Variants in WDFY3 observed in about 807,000 individuals in gnomAD.
The protein encoded by WDFY3 is WD repeat and FYVE domain containing 3, also known as WD repeat and FYVE domain-containing protein 3.
A neutral mutation model predicts 409.6 loss-of-function variants in WDFY3; 66 were observed. The observed-to-expected ratio is 0.16, with a 90% CI of 0.13 to 0.20. The LOEUF (loss-of-function observed/expected upper bound fraction) is 0.20. WDFY3 is among the 10% of genes least tolerant of loss of function. WDFY3 has a pLI of 1.00. For synonymous variants in WDFY3, 1,521 were observed against 1,537.1 expected, an observed-to-expected ratio of 0.99 and a Z score of 0.25; for missense variants, 3,031 against 4,298.1, an observed-to-expected ratio of 0.71 and a Z score of 8.24.
intron 6 of WDFY3, among the ~76,000 whole-genome samples, chr4:84,839,312 T>C (rs1314559754): frequency 1.3e-5 from 2 of 152,126 alleles, no homozygotes; most frequent in East Asian, 1.9e-4. Flanking sequence ...AATTTTGGTA[T>C]AGTAACATAC....
intron 30 of WDFY3, among the ~76,000 whole-genome samples, chr4:84,767,766 G>A (rs1401124213): frequency 6.6e-6 from 1 of 152,106 alleles, no homozygotes; most frequent in African/African-American, 2.4e-5. Flanking sequence ...CTCTATGAAG[G>A]CTGAGAGAGC....
chr4:84,781,878 A>G (rs1165117249), intron 25 of WDFY3, among the ~76,000 whole-genome samples: 2 of 152,190 alleles, frequency 1.3e-5, no homozygotes, highest in South Asian at 2.1e-4. Flanking sequence ...AAAGAAAAAC[A>G]AACATTTATG....
At chr4:84,872,078 A>G (rs1257571802) in intron 3 of WDFY3, among the ~76,000 whole-genome samples, 1 of 152,196 alleles carries the variant, frequency 6.6e-6, no homozygotes, top group East Asian at 1.9e-4. Context: ...ATGCTATTGC[A>G]AGAAACCTGC....
At chr4:84,739,951 G>C (rs969809371) in intron 39 of WDFY3, among the ~76,000 whole-genome samples, 6 of 151,840 alleles carry the variant, frequency 4.0e-5, no homozygotes, top group Non-Finnish European at 7.4e-5. Context: ...CCTTATATAA[G>C]TGACATATGG....
intron 8 of WDFY3, among the ~76,000 whole-genome samples, chr4:84,830,478 G>T (rs1343050777): frequency 6.6e-6 from 1 of 152,202 alleles, no homozygotes; most frequent in East Asian, 1.9e-4. Context: ...GGTAGGTTAA[G>T]TGTATTAAAT....
At chr4:84,910,936 T>C (rs1326886120) in intron 2 of WDFY3, among the ~76,000 whole-genome samples, 1 of 151,578 alleles carries the variant, frequency 6.6e-6, no homozygotes, top group African/African-American at 2.4e-5. Flanking sequence ...GCCAGACTGG[T>C]CTCAAACTCC....
At chr4:84,886,040 G>A (rs1764175149) in intron 3 of WDFY3, among the ~76,000 whole-genome samples, 1 of 152,052 alleles carries the variant, frequency 6.6e-6, no homozygotes, top group Non-Finnish European at 1.5e-5. Context: ...TAGAAACATA[G>A]TGATGGGTAA....
intron 3 of WDFY3, among the ~76,000 whole-genome samples, chr4:84,867,941 C>A (rs1486989714): frequency 1.3e-5 from 2 of 151,842 alleles, no homozygotes; most frequent in Non-Finnish European, 2.9e-5. Context: ...GAGGTCAAGG[C>A]GGGCAGATCA....
chr4:84,682,364 T>C lies in WDFY3; in HGVS notation c.9823+10A>G. ...AACGATTTGAGTCATTTTTAGAAAG[T>C]ATTAAATACCTATTTGTGCTTCTGG... On this transcript the variant is annotated intron_variant, in intron 64 of 67. Transcript: ENST00000295888. 1 of 1,609,162 alleles carries C rather than the reference T, an allele frequency of 6.2e-7. No individual in the cohort carries two copies. Among genetic ancestry groups the C allele is most frequent in the Middle Eastern group, 1.7e-4 (1 of 5,788 alleles).
intron 2 of WDFY3, 24 bp downstream of exon 2, chr4:84,932,245 AC>A (rs1404584334): frequency 6.6e-6 from 1 of 152,150 alleles, no homozygotes; most frequent in East Asian, 1.9e-4. Flanking sequence ...TCCTTTTTCA[AC>A]AAAAAAAAAA....
chr4:84,915,223 T>G (rs1409393535), intron 2 of WDFY3, among the ~76,000 whole-genome samples: 2 of 152,148 alleles, frequency 1.3e-5, no homozygotes, highest in African/African-American at 4.8e-5. Flanking sequence ...CTGTTTCAGA[T>G]GATGAAAAAC....
Position 84,826,998 on chromosome 4 carries a change from T to C in WDFY3, c.957-17A>G, listed in dbSNP as rs1473725735. 7 of 1,593,176 alleles carry C rather than the reference T, an allele frequency of 4.4e-6. No individual in the cohort carries two copies. The highest frequency in any genetic ancestry group is 6.0e-6 in the Non-Finnish European group (7 of 1,175,212). ...TGTTCCAATCTAGAAAAGTATGATT[T>C]AGAAAGTATTTTTTTTCTCTTTGGT... On this transcript the variant is annotated splice_polypyrimidine_tract_variant and intron_variant, in intron 9 of 67. Transcript: ENST00000295888.
At chr4:84,676,169 T>C (rs1392078155) in intron 67 of WDFY3, among the ~76,000 whole-genome samples, 1 of 151,244 alleles carries the variant, frequency 6.6e-6, no homozygotes, top group Admixed American at 6.6e-5. Context: ...CTGCAAGATA[T>C]ATAAAAAACA....
At position 84,702,468 on chromosome 4, in the gene WDFY3, A is replaced by G. The variant is rs377507449; in HGVS notation, c.8481T>C (p.Ser2827=). 11 of 1,612,630 alleles carry G rather than the reference A, an allele frequency of 6.8e-6. No homozygotes were observed. The African/African-American group carries it at 1.5e-4, about 22-fold the overall frequency. The change falls in exon 56 of 68, where the codon AGT becomes AGC. Residue 2827 remains serine, a synonymous_variant. Coordinates refer to ENST00000295888, the MANE Select transcript of WDFY3 (RefSeq NM_014991.6). ...HFDLADRMFH[S]VREAWYSASK... ...ACGCTGAATACCAGGCCTCGCGCAC[A>G]CTGTGAAACATCCGGTCAGCCAGGT...
chr4:84,798,680 A>C (rs1749940092), intron 17 of WDFY3, among the ~76,000 whole-genome samples: 3 of 152,122 alleles, frequency 2.0e-5, no homozygotes, highest in Admixed American at 2.0e-4. Flanking sequence ...ATTTCTACTC[A>C]TAAAAATATG....
rs539048168 is a variant in WDFY3 at position 84,935,207 on chromosome 4, C to T, written c.-225-2844G>A. On this transcript the variant is annotated intron_variant, in intron 1 of 67. Transcript: ENST00000295888. ...AAGTTCTGACATGTGTCATGTTCCACATGTGTCCGAGTTTCTCTTAAGTAC... is the reference window on the plus strand; with the variant it reads ...AAGTTCTGACATGTGTCATGTTCCATATGTGTCCGAGTTTCTCTTAAGTAC... 1.4e-4 allele frequency among the ~76,000 whole-genome samples: 21 copies of T among 152,164 alleles called. No homozygotes were observed. In the South Asian group the frequency reaches 1.5e-3, roughly 11 times the overall value.
In WDFY3 at chr4:84,678,371, G is replaced by A; in HGVS notation, c.10148-92C>T. 7 of 914,356 alleles carry A rather than the reference G, an allele frequency of 7.7e-6. No individual in the cohort carries two copies. The South Asian group carries it at 9.9e-5, about 13-fold the overall frequency. The allele number at this position is 914,356 out of a possible 1,614,324, so 56.6% of individuals were successfully genotyped here. ...TCTAAGATGGTGGCCTTAAACTTAG[G>A]GTACCTCAACATACAGCTACAGCAG... On this transcript the variant is annotated intron_variant, in intron 65 of 67. Coordinates refer to ENST00000295888, the MANE Select transcript of WDFY3 (RefSeq NM_014991.6).
At chr4:84,799,959 A>T (rs1750208872) in intron 17 of WDFY3, among the ~76,000 whole-genome samples, 1 of 152,216 alleles carries the variant, frequency 6.6e-6, no homozygotes, top group Non-Finnish European at 1.5e-5. Context: ...GTAAAATAGT[A>T]GCATTAGGTA....
chr4:84,809,840 A>G, intron 14 of WDFY3, 47 bp downstream of exon 14: 1 of 1,520,568 alleles, frequency 6.6e-7, no homozygotes, highest in Non-Finnish European at 8.9e-7. Flanking sequence ...TGTTGAAGTC[A>G]TGCTTAGTAT....
Sources: gnomAD v4.1 joint callset for allele counts (sites outside exome capture counted in the v4.1 genomes callset) on GRCh38, gnomAD v4.1.1 for gene constraint, MANE v1.5 for transcripts, NCBI Gene and HGNC (gene_info 2026-07-23, HGNC 2026-07-21) for gene names.